The following NUP210L variants were observed in gnomAD, a reference collection of about 807,000 sequenced individuals.
NUP210L encodes the protein nuclear pore membrane glycoprotein 210-like.
A neutral mutation model predicts 208.5 loss-of-function variants in NUP210L; 74 were observed. The ratio of observed to expected loss-of-function variants is 0.35; its 90% CI spans 0.29 to 0.43. The LOEUF is 0.43. Ranked by LOEUF, NUP210L falls within the 20% of genes least tolerant of loss-of-function variation. The probability of loss-of-function intolerance (pLI) is 1.00; values close to 1 mark genes in which losing one functional copy is unlikely to be tolerated. For synonymous variants in NUP210L, 780 were observed against 816.9 expected, an observed-to-expected ratio of 0.95 and a Z score of 0.77; for missense variants, 1,843 against 2,289.4, an observed-to-expected ratio of 0.81 and a Z score of 3.98.
At chr1:154,015,390 AGCCTGG>A (rs947735223) in intron 33 of NUP210L, among the ~76,000 whole-genome samples, 1 of 151,878 alleles carries the variant, frequency 6.6e-6, no homozygotes, top group African/African-American at 2.4e-5. Context: ...GTTCGAGATC[AGCCTGG>A]GCAACAGGGT....
At chr1:154,075,184 C>T (rs1654970218) in intron 16 of NUP210L, among the ~76,000 whole-genome samples, 1 of 152,160 alleles carries the variant, frequency 6.6e-6, no homozygotes, top group Non-Finnish European at 1.5e-5. Context: ...GTTTGTACAT[C>T]ACTATTGGGT....
At chr1:154,001,676 A>G in intron 36 of NUP210L, 59 bp downstream of exon 36, 4 of 1,571,260 alleles carry the variant, frequency 2.5e-6, no homozygotes, top group Non-Finnish European at 3.5e-6. Context: ...AGTGAGAATG[A>G]AAACTATCTT....
chr1:154,039,026 A>G (rs973096993), intron 27 of NUP210L, among the ~76,000 whole-genome samples: 1 of 152,130 alleles, frequency 6.6e-6, no homozygotes, highest in Non-Finnish European at 1.5e-5. Context: ...TCTACTCAAG[A>G]TACGAGTAGT....
At chr1:154,054,561 T>A (rs1653705029) in intron 24 of NUP210L, among the ~76,000 whole-genome samples, 154 bp from the exon 25 acceptor site, 1 of 152,196 alleles carries the variant, frequency 6.6e-6, no homozygotes, top group Non-Finnish European at 1.5e-5. Context: ...GAAATGGAAG[T>A]ACTGCAAATG....
At chr1:154,052,632 G>C (rs1448858394) in intron 25 of NUP210L, among the ~76,000 whole-genome samples, 1 of 152,168 alleles carries the variant, frequency 6.6e-6, no homozygotes, top group East Asian at 1.9e-4. Flanking sequence ...ATAATGCCTG[G>C]ATGTAATCAC....
intron 12 of NUP210L, among the ~76,000 whole-genome samples, chr1:154,107,613 C>G (rs1353513392): frequency 6.6e-6 from 1 of 152,154 alleles, no homozygotes; most frequent in Non-Finnish European, 1.5e-5. Flanking sequence ...CACCTGTAAT[C>G]CCAGCACTTT....
At chr1:153,997,687 GTATT>G (rs1649973080) in intron 37 of NUP210L, among the ~76,000 whole-genome samples, 2 of 130,370 alleles carry the variant, frequency 1.5e-5, no homozygotes, top group African/African-American at 5.4e-5. Flanking sequence ...GGTGATTACT[GTATT>G]TGTTTTTTTT....
chr1:154,093,170 T>G (rs193179274), intron 15 of NUP210L, among the ~76,000 whole-genome samples: 2 of 152,330 alleles, frequency 1.3e-5, no homozygotes, highest in East Asian at 3.9e-4. Context: ...GCCTCATGCC[T>G]GTAATCCCAG....
chr1:154,141,455 C>G, exon 4 of NUP210L: 1 of 1,610,756 alleles, frequency 6.2e-7, no homozygotes, highest in Admixed American at 1.7e-5. Flanking sequence ...CAGTTCTTCT[C>G]TTGCTGACTC....
intron 27 of NUP210L, among the ~76,000 whole-genome samples, chr1:154,043,111 C>G (rs1370999513): frequency 7.2e-6 from 1 of 138,586 alleles, no homozygotes; most frequent in Non-Finnish European, 1.6e-5. Context: ...CTTCTGCCTC[C>G]CGGGTTCAAG....
chr1:154,151,858 G>A (rs1362725659), intron 2 of NUP210L, among the ~76,000 whole-genome samples: 3 of 151,870 alleles, frequency 2.0e-5, no homozygotes, highest in South Asian at 2.1e-4. Context: ...GGAGGCTGAG[G>A]CAGGTAGATC....
At chr1:153,997,480 T>TC (rs1649961079) in intron 37 of NUP210L, among the ~76,000 whole-genome samples, 1 of 150,368 alleles carries the variant, frequency 6.7e-6, no homozygotes, top group Admixed American at 6.7e-5. Flanking sequence ...TTTTTTTTTT[T>TC]TTTTCCTGAA....
At chr1:154,118,535 A>G in intron 11 of NUP210L, 136 bp downstream of exon 11, 1 of 549,576 alleles carries the variant, frequency 1.8e-6, no homozygotes, top group Non-Finnish European at 3.0e-6. Flanking sequence ...CAAGAGTATA[A>G]TTTTGGTTGT....
At chr1:154,097,746 T>C (rs1228966427) in intron 14 of NUP210L, among the ~76,000 whole-genome samples, 1 of 152,176 alleles carries the variant, frequency 6.6e-6, no homozygotes, top group African/African-American at 2.4e-5. Flanking sequence ...TGAGTCAGGA[T>C]TTGTCAGTAT....
At chr1:154,032,586 T>TG (rs1260790116) in intron 27 of NUP210L, among the ~76,000 whole-genome samples, 1 of 149,102 alleles carries the variant, frequency 6.7e-6, no homozygotes, top group Non-Finnish European at 1.5e-5. Context: ...CTGCAACCTC[T>TG]GCCTCCCAGG....
Position 154,143,595 on chromosome 1 carries a change from A to G in NUP210L, c.341-18T>C, listed in dbSNP as rs1658966598. 45 of 1,603,940 alleles carry G rather than the reference A, an allele frequency of 2.8e-5. No homozygotes were observed. Among genetic ancestry groups the G allele is most frequent in the Non-Finnish European group, 3.7e-5 (44 of 1,174,364 alleles). ...GTCAGTCACTACAATGAACCCAAAAACTGAGTATTTAATTCAATAGGTCAT... is the reference window on the plus strand; with the variant it reads ...GTCAGTCACTACAATGAACCCAAAAGCTGAGTATTTAATTCAATAGGTCAT... On this transcript the variant is annotated intron_variant, in intron 2 of 39. Coordinates refer to ENST00000368559, the Ensembl canonical transcript of NUP210L.
At chr1:154,150,856 TAGG>T (rs1659348850) in intron 2 of NUP210L, among the ~76,000 whole-genome samples, 1 of 152,176 alleles carries the variant, frequency 6.6e-6, no homozygotes, top group African/African-American at 2.4e-5. Flanking sequence ...CAATTTCTCT[TAGG>T]CATGCACTTC....
Position 154,060,528 on chromosome 1 carries a change from T to A in NUP210L, c.2850+12A>T. 6.4e-7 allele frequency: 1 copy of A among 1,570,228 alleles called. No individual in the cohort carries two copies. Among genetic ancestry groups the A allele is most frequent in the African/African-American group, 1.4e-5 (1 of 73,776 alleles). On this transcript the variant is annotated intron_variant, in intron 20 of 39. Transcript: ENST00000368559. ...CTGAGACCATCAATCTGGGACTGTC[T>A]CTAGAGCTCACCTCAACAGAGCTTT...
At chr1:154,055,907 C>T (rs1653840445) in intron 23 of NUP210L, among the ~76,000 whole-genome samples, 2 of 151,932 alleles carry the variant, frequency 1.3e-5, no homozygotes, top group East Asian at 1.9e-4. Flanking sequence ...AAAAGTAGAA[C>T]AGCTGGGCTG....
Sources: allele counts gnomAD v4.1 joint callset (sites outside exome capture counted in the v4.1 genomes callset), GRCh38; gene constraint gnomAD v4.1.1; transcripts MANE v1.5; gene names NCBI Gene and HGNC (gene_info 2026-07-23, HGNC 2026-07-21).